Variants in KHNYN observed in about 807,000 individuals in gnomAD.
The protein encoded by KHNYN is KH and NYN domain containing, also known as protein KHNYN.
KHNYN carries 42 observed loss-of-function variants against 62.7 expected under a neutral mutation model. That is an observed-to-expected ratio of 0.67 (90% CI 0.52 to 0.87). The LOEUF (loss-of-function observed/expected upper bound fraction) is 0.87. KHNYN is among the 40% of genes least tolerant of loss of function. The probability of loss-of-function intolerance (pLI) is 0.00; values close to 1 mark genes in which losing one functional copy is unlikely to be tolerated. For synonymous variants in KHNYN, 347 were observed against 345.6 expected, an observed-to-expected ratio of 1.00 and a Z score of -0.04; for missense variants, 829 against 874.1, an observed-to-expected ratio of 0.95 and a Z score of 0.65.
At chr14:24,426,362 A>AT (rs934465406), upstream of KHNYN, among the ~76,000 whole-genome samples, 34 of 150,800 alleles carry the variant, frequency 2.3e-4, no homozygotes, top group African/African-American at 5.6e-4. Context: ...GGTTTTTGGT[A>AT]TTTTTTTTTA....
At chr14:24,433,164 C>T (rs2043152016) in intron 5 of KHNYN, 132 bp downstream of exon 5, 4 of 790,552 alleles carry the variant, frequency 5.1e-6, no homozygotes, top group Non-Finnish European at 8.5e-6. Context: ...AGTTATTCCT[C>T]TGTGTGCCTT....
At chr14:24,431,057 C>CAG in intron 2 of KHNYN, 126 bp downstream of exon 2, 2 of 866,584 alleles carry the variant, frequency 2.3e-6, no homozygotes, top group Non-Finnish European at 3.5e-6. Flanking sequence ...TCTTGGTTGT[C>CAG]TCACTGGCAA....
At chr14:24,429,440 TGA>T (rs1594750384), upstream of KHNYN, 1 of 513,294 alleles carries the variant, frequency 1.9e-6, no homozygotes, top group African/African-American at 1.9e-5. Flanking sequence ...ACAGAATGTG[TGA>T]GTGTGTGCAT....
Position 24,441,092 on chromosome 14 carries a change from T to G in KHNYN, c.*3807T>G. The G allele has an allele frequency of 1.4e-6, 1 of 739,298 alleles. No individual in the cohort carries two copies. 45.8% of individuals were successfully genotyped at this position (739,298 alleles called of 1,614,324 possible). ...TTGAACTTCTCCATGACCTGAAGCG[T>G]TCCTTCCCTGGAGGAACTCTGGTTG... On this transcript the variant is annotated 3_prime_UTR_variant, in exon 8 of 8. Coordinates refer to ENST00000553935, the MANE Select transcript of KHNYN (RefSeq NM_015299.3).
intron 2 of KHNYN, 72 bp downstream of exon 2, chr14:24,431,003 C>G (rs1956905): frequency 0.72 from 1,089,193 of 1,502,840 alleles, 394,556 homozygotes; most frequent in Admixed American, 0.78. Context: ...AGAGCAGGGC[C>G]GAGGAGAGCA....
At chr14:24,431,306 C>G (rs2043107527) in intron 2 of KHNYN, among the ~76,000 whole-genome samples, 157 bp from the exon 3 acceptor site, 1 of 152,150 alleles carries the variant, frequency 6.6e-6, no homozygotes, top group Non-Finnish European at 1.5e-5. Context: ...CATGTACCAG[C>G]TTTGTGATGG....
chr14:24,427,727 G>T, upstream of KHNYN: 1 of 1,491,310 alleles, frequency 6.7e-7, no homozygotes, highest in Non-Finnish European at 9.3e-7. The surrounding 1 kb of genome is among the most constrained non-coding windows in gnomAD (Gnocchi z 4.4). Context: ...TGTTTCTGGG[G>T]CAAGAGAGGG....
upstream of KHNYN, chr14:24,428,931 C>T: frequency 6.4e-7 from 1 of 1,557,916 alleles, no homozygotes. Context: ...CACTCCCCCT[C>T]CAGCAGGACG....
At chr14:24,429,841 G>A (rs952228296), upstream of KHNYN, 2 of 1,033,664 alleles carry the variant, frequency 1.9e-6, no homozygotes, top group South Asian at 3.0e-5. Context: ...GAGGGGACTA[G>A]GCCGAGCGGG....
Position 24,437,097 on chromosome 14 carries a change from C to A in KHNYN, c.1849C>A (p.Gln617Lys). The A allele has an allele frequency of 6.2e-7, 1 of 1,614,144 alleles. No homozygotes were observed. Among genetic ancestry groups the A allele is most frequent in the Non-Finnish European group, 8.5e-7 (1 of 1,180,030 alleles). ...GGGCTTTGCAGAACATGGTAAACAG[C>A]AGCAGGGGAGAGAAGAGGAAAAAGG... ...SRGFAEHGKQQQGREEEKGSG... is the reference protein window; with the variant it reads ...SRGFAEHGKQKQGREEEKGSG... The change falls in exon 8 of 8, where the codon CAG (glutamine) becomes AAG (lysine). Residue 617 changes from glutamine to lysine, a missense_variant. Around this residue, in one of 2 missense-constraint regions of KHNYN, gnomAD observed 270 missense variants for 347.1 expected, o/e 0.78. Transcript: ENST00000553935. This position sits in a 1 kb window ranked among gnomAD's most constrained non-coding sequence, Gnocchi z 5.5.
chr14:24,428,665 G>T, upstream of KHNYN: 3 of 1,413,682 alleles, frequency 2.1e-6, no homozygotes, highest in Non-Finnish European at 2.9e-6. Context: ...TTTTCTTAAA[G>T]CCTCAGAGAC....
chr14:24,430,586 T>G, intron 1 of KHNYN, 128 bp from the exon 2 acceptor site: 1 of 1,442,332 alleles, frequency 6.9e-7, no homozygotes, highest in Non-Finnish European at 9.1e-7. Context: ...CTCAGATGCT[T>G]GTCACCTCCT....
Position 24,430,867 on chromosome 14 carries a change from G to T in KHNYN, c.137G>T (p.Cys46Phe), listed in dbSNP as rs773731542. 1.4e-5 allele frequency: 22 copies of T among 1,613,924 alleles called. No homozygotes were observed. In the South Asian group the frequency reaches 2.3e-4, roughly 17 times the overall value. The change falls in exon 2 of 8, where the codon TGT (cysteine) becomes TTT (phenylalanine). Residue 46 changes from cysteine to phenylalanine, a missense_variant. Physicochemically the swap from Cys to Phe is radical, Grantham distance 205. Coordinates refer to ENST00000553935, the MANE Select transcript of KHNYN (RefSeq NM_015299.3). ...GGGGTGAGCGTCCTTCCGAAGGACT[G>T]TCCGGACAACCCCCACATCTGGCTG... ...SVGVSVLPKDCPDNPHIWLQL... is the reference protein window; with the variant it reads ...SVGVSVLPKDFPDNPHIWLQL...
upstream of KHNYN, chr14:24,428,491 G>A: frequency 6.7e-7 from 1 of 1,492,940 alleles, no homozygotes; most frequent in Non-Finnish European, 9.2e-7. Flanking sequence ...GGGGCAGTGA[G>A]TAATGAATAG....
In KHNYN at chr14:24,441,559, T is replaced by G. The variant is rs190233294; in HGVS notation, c.*4274T>G. On this transcript the variant is annotated 3_prime_UTR_variant, in exon 8 of 8. Transcript: ENST00000553935. Reference sequence around the variant, plus strand: ...GAGAAACATGCATGGATCAAGGGCCTAGGAAGTCATTTTGCCTGGAAAAGA... The same window carrying G: ...GAGAAACATGCATGGATCAAGGGCCGAGGAAGTCATTTTGCCTGGAAAAGA... The G allele has an allele frequency of 3.2e-4, 272 of 845,140 alleles. No homozygotes were observed. Among genetic ancestry groups the G allele is most frequent in the Non-Finnish European group, 4.6e-4 (259 of 560,478 alleles). 52.4% of individuals were successfully genotyped at this position (845,140 alleles called of 1,614,324 possible).
rs541216462 is a variant in KHNYN at position 24,440,328 on chromosome 14, C to T, written c.*3043C>T. On this transcript the variant is annotated 3_prime_UTR_variant, in exon 8 of 8. Transcript: ENST00000553935. ...GATGGAGCCACTCCATTCAGGACCC[C>T]GTGCACGTGGTTTGCTTCAAGGGCA... 2.1e-5 allele frequency: 34 copies of T among 1,613,906 alleles called. No individual in the cohort carries two copies. The highest frequency in any genetic ancestry group is 2.5e-5 in the Non-Finnish European group (30 of 1,179,902).
rs1002558024 is a variant in KHNYN at position 24,441,206 on chromosome 14, T to A, written c.*3921T>A. The A allele has an allele frequency of 3.8e-6, 2 of 524,302 alleles. No homozygotes were observed. Among genetic ancestry groups the A allele is most frequent in the African/African-American group, 3.8e-5 (2 of 52,236 alleles). The allele number at this position is 524,302 out of a possible 1,614,324, so 32.5% of individuals were successfully genotyped here. On this transcript the variant is annotated 3_prime_UTR_variant, in exon 8 of 8. Transcript: ENST00000553935. ...CCTGAATTTTAATCAGCTCCCTCAT[T>A]TATTAACTCTCTGACTTGATGCAAG...
rs1228309620 is a variant in KHNYN, at chr14:24,431,826, G to A, written c.565G>A (p.Glu189Lys). The A allele has an allele frequency of 1.2e-6, 2 of 1,613,916 alleles. No homozygotes were observed. The highest frequency in any genetic ancestry group is 1.7e-6 in the Non-Finnish European group (2 of 1,180,052). ...GCAGTTGCCCCTGGCTGTCCAGGAG[G>A]AGCTGCTGAGTCTGGTGCAGGAGGC... is the stretch of plus-strand genomic sequence containing the variant. ...LLQLPLAVQEELLSLVQEASS... is the reference protein window; with the variant it reads ...LLQLPLAVQEKLLSLVQEASS... Residue 189 changes from glutamate to lysine, a missense_variant, in exon 3 of 8, where the codon GAG (glutamate) becomes AAG (lysine). Physicochemically the swap from Glu to Lys is moderately conservative, Grantham distance 56. This residue lies in a region of KHNYN where 559 missense variants were observed against 527.0 expected (regional missense o/e 1.06). Coordinates refer to ENST00000553935, the MANE Select transcript of KHNYN (RefSeq NM_015299.3).
chr14:24,436,327 G>A (rs2277488), intron 6 of KHNYN, 61 bp from the exon 7 acceptor site: 1,402,851 of 1,488,026 alleles, frequency 0.94, 661,652 homozygotes, highest in Admixed American at 0.96. Flanking sequence ...TACTGGTCTC[G>A]GTTGTCTGGG....
Sources: gnomAD v4.1 joint callset for allele counts (sites outside exome capture counted in the v4.1 genomes callset) on GRCh38, gnomAD v4.1.1 for gene constraint, gnomAD v4.1.1 regional missense constraint, Gnocchi (gnomAD v3.1) non-coding constraint, MANE v1.5 for transcripts, NCBI Gene and HGNC (gene_info 2026-07-23, HGNC 2026-07-21) for gene names.